AP1G1: variants seen among roughly 807,000 people sequenced by gnomAD.
AP1G1 encodes adaptor related protein complex 1 subunit gamma 1.
AP1G1 carries 7 observed loss-of-function variants against 108.3 expected under a neutral mutation model. That is an observed-to-expected ratio of 0.06 (90% CI 0.04 to 0.12). The LOEUF (loss-of-function observed/expected upper bound fraction) is 0.12, where lower values mean the gene tolerates loss of function less well. Among genes scored for constraint, AP1G1 ranks in the 10% least tolerant of loss-of-function variants. The pLI is 1.00. For missense variants in AP1G1, 756 were observed against 1,010.7 expected, an observed-to-expected ratio of 0.75 and a Z score of 3.42; for synonymous variants, 379 against 353.5, an observed-to-expected ratio of 1.07 and a Z score of -0.81.
At chr16:71,800,664 G>A (rs1027535174) in intron 1 of AP1G1, among the ~76,000 whole-genome samples, 9 of 151,882 alleles carry the variant, frequency 5.9e-5, no homozygotes, top group Non-Finnish European at 1.3e-4. Context: ...AGCCAGGCGT[G>A]GTGGTGGGTG....
At chr16:71,735,378 T>C (rs2045520879) in intron 21 of AP1G1, among the ~76,000 whole-genome samples, 1 of 152,138 alleles carries the variant, frequency 6.6e-6, no homozygotes, top group Non-Finnish European at 1.5e-5. Context: ...GAGTTGAAAG[T>C]GCTGGCTGGG....
chr16:71,773,523 C>T (rs1394316760), intron 3 of AP1G1, among the ~76,000 whole-genome samples, 161 bp from the exon 4 acceptor site: 2 of 152,100 alleles, frequency 1.3e-5, no homozygotes, highest in African/African-American at 4.8e-5. Context: ...TACAAATTAT[C>T]AATATAGTAA....
chr16:71,735,596 T>A (rs1270471419), intron 21 of AP1G1, among the ~76,000 whole-genome samples: 2 of 146,656 alleles, frequency 1.4e-5, no homozygotes, highest in African/African-American at 5.1e-5. Context: ...CAGGAGGTTG[T>A]GGTGAGCCGA....
chr16:71,741,081 T>C (rs993082430), intron 19 of AP1G1, among the ~76,000 whole-genome samples: 20 of 152,200 alleles, frequency 1.3e-4, no homozygotes, highest in African/African-American at 4.3e-4. Flanking sequence ...ATATCAAGAT[T>C]CGAAGAAGAA....
intron 3 of AP1G1, among the ~76,000 whole-genome samples, chr16:71,773,584 C>T (rs2031654732): frequency 6.6e-6 from 1 of 152,102 alleles, no homozygotes; most frequent in African/African-American, 2.4e-5. Context: ...TTCCAGGTAC[C>T]AAAGCAGTGG....
At chr16:71,803,551 C>T (rs2032883804) in intron 1 of AP1G1, among the ~76,000 whole-genome samples, 1 of 152,038 alleles carries the variant, frequency 6.6e-6, no homozygotes, top group Non-Finnish European at 1.5e-5. Flanking sequence ...CAAACTTTAA[C>T]CAGTTTTTCC....
intron 21 of AP1G1, 79 bp from the exon 22 acceptor site, chr16:71,734,786 C>T: frequency 8.8e-7 from 1 of 1,131,502 alleles, no homozygotes; most frequent in Non-Finnish European, 1.3e-6. Context: ...CATTTAGACA[C>T]CCAGATGATG....
intron 6 of AP1G1, chr16:71,767,788 T>C (rs989673859): frequency 7.5e-7 from 1 of 1,325,100 alleles, no homozygotes; most frequent in Non-Finnish European, 1.1e-6. Flanking sequence ...CATTAGTATA[T>C]TTTAAAAGCC....
At chr16:71,776,805 A>T (rs940048307) in intron 2 of AP1G1, among the ~76,000 whole-genome samples, 1 of 151,978 alleles carries the variant, frequency 6.6e-6, no homozygotes, top group Non-Finnish European at 1.5e-5. Context: ...ACCATTTCTT[A>T]TTAAACTATA....
intron 13 of AP1G1, among the ~76,000 whole-genome samples, chr16:71,751,068 T>G (rs1027271830): frequency 1.4e-4 from 21 of 148,082 alleles, no homozygotes; most frequent in Admixed American, 3.5e-4. Flanking sequence ...GACAGCAGAA[T>G]GGCGTGAACC....
chr16:71,807,416 G>C (rs910079254), intron 1 of AP1G1, among the ~76,000 whole-genome samples: 2 of 152,226 alleles, frequency 1.3e-5, no homozygotes, highest in Admixed American at 6.5e-5. Context: ...TGGAGACAGA[G>C]GGAGACTTCG....
At chr16:71,761,645 A>C (rs559507715) in intron 9 of AP1G1, 78 bp from the exon 10 acceptor site, 1 of 1,088,328 alleles carries the variant, frequency 9.2e-7, no homozygotes, top group Admixed American at 2.0e-5. Flanking sequence ...GGATCACTTC[A>C]TGACCTCTGG....
In AP1G1 at chr16:71,800,605, T is replaced by C. The variant is rs112848579; in HGVS notation, c.-4+8158A>G. Among the ~76,000 whole-genome samples, 17 of 150,918 alleles carry C rather than the reference T, an allele frequency of 1.1e-4. 2 individuals are homozygous for C. In the South Asian group the frequency reaches 1.5e-3, roughly 13 times the overall value. On this transcript the variant is annotated intron_variant, in intron 1 of 22. Transcript: ENST00000299980. Reference sequence around the variant, plus strand: ...TCACGAGGTCAGGAGATGGAGACCATCCTGGCTAACATGGTGAAACCCCAT... The same window carrying C: ...TCACGAGGTCAGGAGATGGAGACCACCCTGGCTAACATGGTGAAACCCCAT...
At chr16:71,758,537 G>C (rs762436935) in intron 11 of AP1G1, 1 of 585,260 alleles carries the variant, frequency 1.7e-6, no homozygotes, top group South Asian at 1.4e-5. Flanking sequence ...ATCTGTGCCT[G>C]TTGTATTTAT....
chr16:71,759,536 G>A (rs950776852), intron 10 of AP1G1, among the ~76,000 whole-genome samples: 4 of 151,496 alleles, frequency 2.6e-5, no homozygotes, highest in East Asian at 1.9e-4. Context: ...CCAGGTGGGC[G>A]GATCAAGAGG....
rs972379913 is a variant in AP1G1 at position 71,731,294 on chromosome 16, C to G, written c.*1764G>C. 1 of 152,564 alleles carries G rather than the reference C, an allele frequency of 6.6e-6. No individual in the cohort carries two copies. Among genetic ancestry groups the G allele is most frequent in the African/African-American group, 2.4e-5 (1 of 41,422 alleles). The allele number at this position is 152,564 out of a possible 1,614,324, so 9.5% of individuals were successfully genotyped here. A position where few individuals can be genotyped will look rare whatever the true frequency, so the allele number is the denominator to read the frequency against. ...TCTTGCTCATACACACTAGTAAGAC[C>G]AGAAACTTTCCCGTGGAGCCTTTAG... On this transcript the variant is annotated 3_prime_UTR_variant, in exon 23 of 23. Transcript: ENST00000299980.
intron 1 of AP1G1, among the ~76,000 whole-genome samples, chr16:71,797,346 A>G (rs2032622962): frequency 6.6e-6 from 1 of 152,174 alleles, no homozygotes. Context: ...ATGAGCATGT[A>G]AAACTTGGAA....
chr16:71,804,895 C>T (rs1297015469), intron 1 of AP1G1, among the ~76,000 whole-genome samples: 2 of 152,082 alleles, frequency 1.3e-5, no homozygotes, highest in African/African-American at 2.4e-5. Context: ...ACAGTCCCAG[C>T]TACTTAGGAG....
In AP1G1 at chr16:71,773,378, G is replaced by A. The variant is rs1257112950; in HGVS notation, c.327-16C>T. On this transcript the variant is annotated splice_polypyrimidine_tract_variant and intron_variant, in intron 3 of 22. Transcript: ENST00000299980. The stretch of plus-strand genomic sequence containing the variant: ...ATTAAGATCACTGCAAAAGAAAAGA[G>A]GAAGGTAGGAACAAGCCTGGTGCTC... The A allele has an allele frequency of 2.7e-6, 4 of 1,484,152 alleles. No individual in the cohort carries two copies. The highest frequency in any genetic ancestry group is 1.5e-5 in the South Asian group (1 of 67,938). The allele number at this position is 1,484,152 out of a possible 1,614,324, so 91.9% of individuals were successfully genotyped here.
Sources: gnomAD v4.1 joint callset for allele counts (sites outside exome capture counted in the v4.1 genomes callset) on GRCh38, gnomAD v4.1.1 for gene constraint, MANE v1.5 for transcripts, NCBI Gene and HGNC (gene_info 2026-07-23, HGNC 2026-07-21) for gene names.